ST18: variants seen among roughly 807,000 people sequenced by gnomAD.
The protein encoded by ST18 is suppression of tumorigenicity 18 protein.
In ST18, 50 loss-of-function variants were observed where a neutral mutation model predicts 110.0. That is an observed-to-expected ratio of 0.45 (90% confidence interval 0.36 to 0.58). ST18 has a LOEUF of 0.58. ST18 is among the 20% of genes least tolerant of loss of function. ST18 has a pLI of 0.00. For synonymous variants in ST18, 461 were observed against 452.4 expected (o/e 1.02, Z -0.24); for missense variants, 1,306 against 1,280.1 (o/e 1.02, Z -0.31).
In ST18 at chr8:52,119,973, G is replaced by A. The variant is rs539474232; in HGVS notation, c.2756-1532C>T. Among the ~76,000 whole-genome samples, 3 of 152,310 alleles carry A rather than the reference G, an allele frequency of 2.0e-5. No homozygotes were observed. The South Asian group carries it at 6.2e-4, about 32-fold the overall frequency. ...CTTAGGTACCTTAGTAGTTAGACCA[G>A]TTTAAATATGAGTCATCAGTATGAC... is the stretch of plus-strand genomic sequence containing the variant. On this transcript the variant is annotated intron_variant, in intron 23 of 25. Coordinates refer to ENST00000689386, the MANE Select transcript of ST18 (RefSeq NM_001352837.2).
intron 22 of ST18, among the ~76,000 whole-genome samples, chr8:52,128,494 G>T (rs941203043): frequency 1.3e-5 from 2 of 152,124 alleles, no homozygotes; most frequent in African/African-American, 4.8e-5. Context: ...TGTCTTCTCA[G>T]ATTGCTATTT....
intron 2 of ST18, among the ~76,000 whole-genome samples, chr8:52,337,473 G>C (rs1427254023): frequency 6.6e-6 from 1 of 152,172 alleles, no homozygotes; most frequent in Non-Finnish European, 1.5e-5. Context: ...CACTCTGAAT[G>C]GGGTTTAAAA....
intron 8 of ST18, among the ~76,000 whole-genome samples, chr8:52,181,386 C>T (rs757861396): frequency 1.3e-5 from 2 of 152,042 alleles, no homozygotes; most frequent in Non-Finnish European, 2.9e-5. Flanking sequence ...GAAAATGATT[C>T]GGTTATAGTC....
intron 22 of ST18, among the ~76,000 whole-genome samples, chr8:52,130,682 C>A (rs1042107629): frequency 6.6e-6 from 1 of 152,200 alleles, no homozygotes; most frequent in Non-Finnish European, 1.5e-5. Context: ...AGTTGCTTTG[C>A]CACCTACAGA....
chr8:52,357,782 A>T (rs1347343105), intron 2 of ST18, among the ~76,000 whole-genome samples: 1 of 140,678 alleles, frequency 7.1e-6, no homozygotes, highest in Non-Finnish European at 1.5e-5. Context: ...GGAAATTTTA[A>T]TTCCCCACTT....
At chr8:52,334,707 GA>G (rs60834322) in intron 2 of ST18, among the ~76,000 whole-genome samples, 30,013 of 149,806 alleles carry the variant, frequency 0.2, 3,141 homozygotes, top group African/African-American at 0.26. Flanking sequence ...AGGGAACTGT[GA>G]AAAAAAAAAT....
chr8:52,118,692 A>T (rs931826097), intron 23 of ST18, among the ~76,000 whole-genome samples: 1 of 152,308 alleles, frequency 6.6e-6, no homozygotes, highest in East Asian at 1.9e-4. Flanking sequence ...GGGTGCTGCC[A>T]GACCCATTTG....
chr8:52,254,526 T>C (rs547037446), intron 2 of ST18, among the ~76,000 whole-genome samples: 2 of 152,294 alleles, frequency 1.3e-5, no homozygotes, highest in South Asian at 2.1e-4. Flanking sequence ...TTTCATCACA[T>C]GATTGCTGTG....
chr8:52,356,582 A>G (rs1317859185), intron 2 of ST18, among the ~76,000 whole-genome samples: 1 of 152,224 alleles, frequency 6.6e-6, no homozygotes, highest in African/African-American at 2.4e-5. Context: ...CATGCAAAGA[A>G]ACAAAAAAGT....
chr8:52,330,651 A>G (rs10448048), intron 2 of ST18, among the ~76,000 whole-genome samples: 31,411 of 152,218 alleles, frequency 0.21, 3,796 homozygotes, highest in African/African-American at 0.34. Flanking sequence ...GCATTATGAC[A>G]TCACATCCAA....
chr8:52,361,219 C>T (rs945600301), intron 2 of ST18, among the ~76,000 whole-genome samples: 9 of 152,132 alleles, frequency 5.9e-5, no homozygotes, highest in African/African-American at 1.9e-4. Flanking sequence ...CTATAATGTT[C>T]TTGAAATTTA....
At chr8:52,175,834 GCTCTGCC>G (rs749648315) in intron 9 of ST18, among the ~76,000 whole-genome samples, 7 of 152,110 alleles carry the variant, frequency 4.6e-5, no homozygotes, top group Non-Finnish European at 7.4e-5. Flanking sequence ...CCCACTCCAT[GCTCTGCC>G]CTCTGAAACA....
chr8:52,273,311 A>C lies in ST18; in HGVS notation c.-464-43234T>G, dbSNP rs4430115. 9.1e-3 allele frequency among the ~76,000 whole-genome samples: 1,388 copies of C among 152,330 alleles called. 21 individuals carry two copies. Among genetic ancestry groups the C allele is most frequent in the African/African-American group, 0.031 (1,274 of 41,562 alleles). ...GTGTGGTCAATAAACATTTAGTAGA[A>C]TAAATTAAATTTGAATAAGAAAGAA... On this transcript the variant is annotated intron_variant, in intron 2 of 25. Coordinates refer to ENST00000689386, the MANE Select transcript of ST18 (RefSeq NM_001352837.2).
rs770550204 is a variant in ST18, at chr8:52,149,851, A to G, written c.1933T>C (p.Phe645Leu). Reference sequence around the variant, plus strand: ...TTGACCAGAATGCTGCTTGTTTTGAATGGGGAAGAGGAAGGAGTTGGAATA... The same window carrying G: ...TTGACCAGAATGCTGCTTGTTTTGAGTGGGGAAGAGGAAGGAGTTGGAATA... ...TSIPTPSSSP[F>L]KTSSILVNAA... is the part of the protein sequence containing the mutation. The change falls in exon 16 of 26, where the codon TTC (phenylalanine) becomes CTC (leucine). Residue 645 changes from phenylalanine to leucine, a missense_variant. Transcript: ENST00000689386. The G allele has an allele frequency of 6.2e-7, 1 of 1,614,164 alleles. No homozygotes were observed. Among genetic ancestry groups the G allele is most frequent in the Non-Finnish European group, 8.5e-7 (1 of 1,180,016 alleles).
At chr8:52,409,473 G>T (rs970460941) in intron 1 of ST18, 21 bp from the exon 2 acceptor site, 3 of 152,126 alleles carry the variant, frequency 2.0e-5, no homozygotes, top group African/African-American at 7.2e-5. Flanking sequence ...AAAAAAATAT[G>T]ATGTGAAAAT....
chr8:52,165,328 A>G, intron 11 of ST18, 103 bp from the exon 12 acceptor site: 1 of 1,042,588 alleles, frequency 9.6e-7, no homozygotes, highest in Non-Finnish European at 1.5e-6. Context: ...CTTCAGTTCC[A>G]TCATCCACCA....
intron 2 of ST18, among the ~76,000 whole-genome samples, chr8:52,283,999 A>G (rs569275733): frequency 6.6e-6 from 1 of 152,298 alleles, no homozygotes; most frequent in South Asian, 2.1e-4. Context: ...TTAAAATGGG[A>G]TCAGTCAGCT....
At chr8:52,268,554 C>T (rs10283345) in intron 2 of ST18, among the ~76,000 whole-genome samples, 5 of 151,630 alleles carry the variant, frequency 3.3e-5, no homozygotes, top group South Asian at 2.1e-4. Flanking sequence ...ATCTATTTAT[C>T]TATCTATCAT....
chr8:52,393,139 G>C (rs918007866), intron 2 of ST18, among the ~76,000 whole-genome samples: 6 of 152,170 alleles, frequency 3.9e-5, no homozygotes, highest in Non-Finnish European at 1.5e-5. Context: ...AGGCCCTCCT[G>C]AGAACCCTGA....
Sources: gnomAD v4.1 joint callset for allele counts (sites outside exome capture counted in the v4.1 genomes callset) on GRCh38, gnomAD v4.1.1 for gene constraint, MANE v1.5 for transcripts, NCBI Gene and HGNC (gene_info 2026-07-23, HGNC 2026-07-21) for gene names.